SUSD4: variants seen among roughly 807,000 people sequenced by gnomAD.
SUSD4 encodes the protein sushi domain containing 4.
In SUSD4, 41 loss-of-function variants were observed where a neutral mutation model predicts 50.5. The observed-to-expected ratio is 0.81, with a 90% CI of 0.63 to 1.05. The LOEUF is 1.05. Ranked by LOEUF, SUSD4 falls within the 50% of genes least tolerant of loss-of-function variation. The probability of loss-of-function intolerance (pLI) is 0.00; values close to 1 mark genes in which losing one functional copy is unlikely to be tolerated. For missense variants in SUSD4, 580 were observed against 634.7 expected, an observed-to-expected ratio of 0.91 and a Z score of 0.93; for synonymous variants, 257 against 257.3, an observed-to-expected ratio of 1.00 and a Z score of 0.01.
At chr1:223,308,590 G>A (rs1665689008) in intron 2 of SUSD4, among the ~76,000 whole-genome samples, 1 of 152,164 alleles carries the variant, frequency 6.6e-6, no homozygotes, top group South Asian at 2.1e-4. Flanking sequence ...AGCTGAAACT[G>A]TTCAGGAATA....
chr1:223,289,823 C>T (rs886128418), intron 3 of SUSD4, among the ~76,000 whole-genome samples: 1 of 152,162 alleles, frequency 6.6e-6, no homozygotes, highest in African/African-American at 2.4e-5. Flanking sequence ...ACAAGGTGCT[C>T]TTGTGTAACA....
At position 223,264,689 on chromosome 1, in the gene SUSD4, A is replaced by C. The variant is rs780782335; in HGVS notation, c.665T>G (p.Leu222Arg). The stretch of plus-strand genomic sequence containing the variant: ...CCAGATAAGGTTTTGTAAGCACTCA[A>C]GATACGCAGACCCATCAAGTTTAAA... The part of the protein sequence containing the change: ...PGFKLDGSAY[L>R]ECLQNLIWSS... The change falls in exon 5 of 9, where the codon CTT becomes CGT. Residue 222 changes from leucine to arginine, a missense_variant. Transcript: ENST00000366878. 2 of 1,614,106 alleles carry C rather than the reference A, an allele frequency of 1.2e-6. No individual in the cohort carries two copies. The highest frequency in any genetic ancestry group is 2.7e-5 in the African/African-American group (2 of 74,930).
intron 2 of SUSD4, among the ~76,000 whole-genome samples, chr1:223,346,612 T>G (rs1276080457): frequency 6.6e-6 from 1 of 152,112 alleles, no homozygotes; most frequent in Admixed American, 6.5e-5. Flanking sequence ...CCCCACCACT[T>G]CTAATTCTAG....
At chr1:223,354,034 GAA>G (rs112464132) in intron 2 of SUSD4, among the ~76,000 whole-genome samples, 1 of 136,188 alleles carries the variant, frequency 7.3e-6, no homozygotes, top group Non-Finnish European at 1.6e-5. Context: ...GTTGTCTCAA[GAA>G]AAAAAAAAAA....
chr1:223,321,892 G>C (rs372100406), intron 2 of SUSD4, among the ~76,000 whole-genome samples: 17 of 152,306 alleles, frequency 1.1e-4, no homozygotes, highest in African/African-American at 3.1e-4. Flanking sequence ...AATACGGGTA[G>C]AGTATCTCTT....
intron 2 of SUSD4, among the ~76,000 whole-genome samples, chr1:223,336,841 T>C (rs1168517475): frequency 6.6e-6 from 1 of 152,098 alleles, no homozygotes; most frequent in Non-Finnish European, 1.5e-5. Flanking sequence ...ATTAGAGGTG[T>C]TCAAAGAGTA....
chr1:223,343,967 A>C (rs1436391779), intron 2 of SUSD4, among the ~76,000 whole-genome samples: 2 of 152,172 alleles, frequency 1.3e-5, no homozygotes, highest in African/African-American at 2.4e-5. Context: ...GCCACCTCCA[A>C]GTCCCAAGTT....
intron 5 of SUSD4, among the ~76,000 whole-genome samples, chr1:223,248,973 C>A (rs1363529917): frequency 6.6e-6 from 1 of 152,016 alleles, no homozygotes; most frequent in African/African-American, 2.4e-5. Context: ...CTGACAGCAG[C>A]GGGGAATGGC....
chr1:223,227,547 G>T lies in SUSD4; in HGVS notation c.1061+47C>A. 1 of 1,598,784 alleles carries T rather than the reference G, an allele frequency of 6.3e-7. No homozygotes were observed. Among genetic ancestry groups the T allele is most frequent in the Non-Finnish European group, 8.6e-7 (1 of 1,168,546 alleles). On this transcript the variant is annotated intron_variant, in intron 7 of 8. Transcript: ENST00000366878. This position sits in a 1 kb window ranked among gnomAD's most constrained non-coding sequence, Gnocchi z 4.5. ...TCTCCCTCTGCTGCTAAGGGTAGCT[G>T]CATTGAGTCAGACCTTGAGCCACAG...
chr1:223,306,973 G>A (rs1374769819), intron 2 of SUSD4, among the ~76,000 whole-genome samples: 1 of 149,680 alleles, frequency 6.7e-6, no homozygotes, highest in Non-Finnish European at 1.5e-5. Context: ...GGGGGGGGGT[G>A]TCCCTTCCAC....
chr1:223,273,154 A>T (rs1663028916), intron 3 of SUSD4, among the ~76,000 whole-genome samples: 1 of 152,222 alleles, frequency 6.6e-6, no homozygotes, highest in African/African-American at 2.4e-5. Context: ...CAGCTAGTGC[A>T]AAGGCCAGGA....
chr1:223,251,642 C>A (rs538307192), intron 5 of SUSD4, among the ~76,000 whole-genome samples: 6 of 152,288 alleles, frequency 3.9e-5, no homozygotes, highest in South Asian at 2.1e-4. Flanking sequence ...TTTCTTAATC[C>A]AGTCTATCAT....
chr1:223,289,919 C>T (rs1362088413), intron 3 of SUSD4, among the ~76,000 whole-genome samples: 1 of 152,170 alleles, frequency 6.6e-6, no homozygotes, highest in Non-Finnish European at 1.5e-5. Context: ...TTAATTCCAG[C>T]CAGGCTGCTT....
chr1:223,349,634 A>G (rs141571661), intron 2 of SUSD4, among the ~76,000 whole-genome samples: 99 of 152,252 alleles, frequency 6.5e-4, no homozygotes, highest in African/African-American at 2.3e-3. Context: ...AGCCCCTATC[A>G]CCCTCACCAT....
At chr1:223,291,726 C>T (rs1664503809) in intron 3 of SUSD4, among the ~76,000 whole-genome samples, 1 of 152,156 alleles carries the variant, frequency 6.6e-6, no homozygotes. Context: ...CCTATTCCAA[C>T]TTCAGCCCTG....
At chr1:223,251,864 C>T (rs145562971) in intron 5 of SUSD4, among the ~76,000 whole-genome samples, 7,479 of 152,166 alleles carry the variant, frequency 0.049, 282 homozygotes, top group Non-Finnish European at 0.074. Flanking sequence ...TTTACAGTCC[C>T]ACCAACAGTG....
chr1:223,314,125 G>T (rs1428600642), intron 2 of SUSD4, among the ~76,000 whole-genome samples: 1 of 152,042 alleles, frequency 6.6e-6, no homozygotes, highest in African/African-American at 2.4e-5. Context: ...ATTCTTTCTT[G>T]TGTAAGATCC....
intron 3 of SUSD4, among the ~76,000 whole-genome samples, chr1:223,280,666 T>C (rs186169319): frequency 7.2e-4 from 110 of 152,184 alleles, no homozygotes; most frequent in Non-Finnish European, 1.6e-4. Context: ...TTGTCAACAT[T>C]ACACAGACCA....
intron 5 of SUSD4, among the ~76,000 whole-genome samples, chr1:223,237,495 ATTC>A (rs1660300679): frequency 6.6e-6 from 1 of 151,956 alleles, no homozygotes; most frequent in African/African-American, 2.4e-5. Flanking sequence ...TTTTGTAGAT[ATTC>A]TTTATACGGT....
Sources: gnomAD v4.1 joint callset for allele counts (sites outside exome capture counted in the v4.1 genomes callset) on GRCh38, gnomAD v4.1.1 for gene constraint, Gnocchi (gnomAD v3.1) non-coding constraint, MANE v1.5 for transcripts, NCBI Gene and HGNC (gene_info 2026-07-23, HGNC 2026-07-21) for gene names.